Variants in UNC5C observed in about 807,000 individuals in gnomAD.
The protein encoded by UNC5C is unc-5 netrin receptor C.
In UNC5C, 47 loss-of-function variants were observed where a neutral mutation model predicts 99.8. The observed-to-expected ratio is 0.47, with a 90% CI of 0.37 to 0.60. The LOEUF is 0.60. UNC5C is among the 20% of genes least tolerant of loss of function. UNC5C has a pLI of 0.00. For synonymous variants in UNC5C, 487 were observed against 452.2 expected, an observed-to-expected ratio of 1.08 and a Z score of -0.98; for missense variants, 1,062 against 1,165.9, an observed-to-expected ratio of 0.91 and a Z score of 1.30.
chr4:95,527,544 T>A (rs1251369048), intron 1 of UNC5C, among the ~76,000 whole-genome samples: 1 of 152,138 alleles, frequency 6.6e-6, no homozygotes, highest in Non-Finnish European at 1.5e-5. Flanking sequence ...TATGTTGCTA[T>A]CATATAGCTG....
At chr4:95,195,352 C>T (rs1036387678) in intron 12 of UNC5C, among the ~76,000 whole-genome samples, 14 of 152,194 alleles carry the variant, frequency 9.2e-5, no homozygotes, top group Admixed American at 6.5e-5. Flanking sequence ...CAATGATGCA[C>T]TAGGAACCTT....
At chr4:95,309,594 G>T (rs1383018701) in intron 2 of UNC5C, among the ~76,000 whole-genome samples, 2 of 152,034 alleles carry the variant, frequency 1.3e-5, no homozygotes, top group Non-Finnish European at 2.9e-5. Flanking sequence ...GCAAGAAAAA[G>T]AACCCAATTA....
chr4:95,263,946 A>G (rs1174824791), intron 4 of UNC5C, among the ~76,000 whole-genome samples: 1 of 152,216 alleles, frequency 6.6e-6, no homozygotes, highest in Non-Finnish European at 1.5e-5. Context: ...AATGATATCT[A>G]GCATAAAATA....
intron 1 of UNC5C, 40 bp downstream of exon 1, chr4:95,548,694 G>A (rs1263996020): frequency 1.2e-6 from 2 of 1,606,300 alleles, no homozygotes; most frequent in Non-Finnish European, 8.5e-7. Flanking sequence ...GAAGGAAGAA[G>A]CTAAGGGAGG....
chr4:95,220,170 G>A lies in UNC5C; in HGVS notation c.1115C>T (p.Pro372Leu). 3 of 1,612,620 alleles carry A rather than the reference G, an allele frequency of 1.9e-6. No individual in the cohort carries two copies. The highest frequency in any genetic ancestry group is 2.5e-6 in the Non-Finnish European group (3 of 1,179,202). The part of the protein sequence containing the change: ...CTDGLCMQTA[P>L]DSDDVALYVG... The stretch of plus-strand genomic sequence containing the variant: ...ATAGAGAGCAACATCATCTGAATCA[G>A]GAGCAGCTAGAGAGGAGAGTGAAAC... Residue 372 changes from proline to leucine, a missense_variant, in exon 8 of 16, where the codon CCT (proline) becomes CTT (leucine). Physicochemically the swap from Pro to Leu is moderately conservative, Grantham distance 98. This residue lies in a region of UNC5C where 810 missense variants were observed against 854.5 expected (regional missense o/e 0.95). Coordinates refer to ENST00000453304, the MANE Select transcript of UNC5C (RefSeq NM_003728.4).
At chr4:95,342,381 C>T (rs1326607956) in intron 1 of UNC5C, among the ~76,000 whole-genome samples, 1 of 152,028 alleles carries the variant, frequency 6.6e-6, no homozygotes, top group Admixed American at 6.6e-5. Flanking sequence ...GCCATAGTTC[C>T]CAGGCTACAT....
chr4:95,247,557 A>G (rs780540403), intron 5 of UNC5C, among the ~76,000 whole-genome samples: 1 of 152,146 alleles, frequency 6.6e-6, no homozygotes, highest in Non-Finnish European at 1.5e-5. Context: ...GTCTTTGAAG[A>G]TCGTAGGTTT....
intron 5 of UNC5C, chr4:95,248,491 C>T: frequency 2.2e-6 from 1 of 453,754 alleles, no homozygotes; most frequent in Non-Finnish European, 4.4e-6. Flanking sequence ...AACTTCCTGT[C>T]CTTGAGGATA....
intron 4 of UNC5C, among the ~76,000 whole-genome samples, chr4:95,258,097 T>C (rs2149385270): frequency 6.6e-6 from 1 of 152,314 alleles, no homozygotes; most frequent in East Asian, 1.9e-4. Flanking sequence ...TTCTTCCATG[T>C]GAAACAATTC....
intron 7 of UNC5C, among the ~76,000 whole-genome samples, chr4:95,239,839 AT>A (rs542746848): frequency 6.6e-6 from 1 of 152,240 alleles, no homozygotes; most frequent in Non-Finnish European, 1.5e-5. Flanking sequence ...TTTTCTATAT[AT>A]TTCACATTGT....
intron 7 of UNC5C, among the ~76,000 whole-genome samples, chr4:95,238,018 CA>C (rs1027212846): frequency 6.6e-6 from 1 of 151,004 alleles, no homozygotes; most frequent in Admixed American, 6.6e-5. Context: ...AGCCTGGCGA[CA>C]GAGCAAGACT....
chr4:95,331,983 G>C (rs1005074893), intron 2 of UNC5C, among the ~76,000 whole-genome samples: 1 of 151,950 alleles, frequency 6.6e-6, no homozygotes, highest in African/African-American at 2.4e-5. Flanking sequence ...GCTTCAAAGA[G>C]AATAAAATAC....
chr4:95,232,910 C>T (rs1414089456), intron 7 of UNC5C, among the ~76,000 whole-genome samples: 1 of 152,210 alleles, frequency 6.6e-6, no homozygotes, highest in East Asian at 1.9e-4. Context: ...TGGATAAAAG[C>T]TCTCACTGTC....
At chr4:95,305,616 T>C (rs1329860673) in intron 2 of UNC5C, among the ~76,000 whole-genome samples, 2 of 152,220 alleles carry the variant, frequency 1.3e-5, no homozygotes, top group Non-Finnish European at 2.9e-5. Flanking sequence ...TCACATCTGA[T>C]AACATCAAAG....
intron 3 of UNC5C, among the ~76,000 whole-genome samples, chr4:95,299,159 G>C (rs141695995): frequency 6.6e-6 from 1 of 152,160 alleles, no homozygotes. Context: ...AAATGAAGCT[G>C]TTAGGGTGGG....
chr4:95,409,534 G>T (rs543111688), intron 1 of UNC5C, among the ~76,000 whole-genome samples: 11 of 152,224 alleles, frequency 7.2e-5, no homozygotes, highest in African/African-American at 2.6e-4. Context: ...TTGTGTAAAA[G>T]CTTTCTATTG....
At chr4:95,420,838 A>T (rs1331097028) in intron 1 of UNC5C, among the ~76,000 whole-genome samples, 1 of 152,214 alleles carries the variant, frequency 6.6e-6, no homozygotes, top group African/African-American at 2.4e-5. Flanking sequence ...CTTTATAATG[A>T]AGAAAAGTTT....
At chr4:95,235,651 A>G (rs1739082573) in intron 7 of UNC5C, among the ~76,000 whole-genome samples, 1 of 152,154 alleles carries the variant, frequency 6.6e-6, no homozygotes, top group Admixed American at 6.5e-5. Flanking sequence ...ATCTTGAATT[A>G]ATTTTTGTAT....
At chr4:95,362,537 T>C (rs1560804746) in intron 1 of UNC5C, among the ~76,000 whole-genome samples, 1 of 152,170 alleles carries the variant, frequency 6.6e-6, no homozygotes, top group Non-Finnish European at 1.5e-5. Flanking sequence ...TGGAGCCAGA[T>C]GGGTCTAATT....
Sources: allele counts gnomAD v4.1 joint callset (sites outside exome capture counted in the v4.1 genomes callset), GRCh38; gene constraint gnomAD v4.1.1; regional missense constraint gnomAD v4.1.1; transcripts MANE v1.5; gene names NCBI Gene and HGNC (gene_info 2026-07-23, HGNC 2026-07-21).